CTNNA3: variants seen among roughly 807,000 people sequenced by gnomAD.
The protein encoded by CTNNA3 is catenin alpha-3.
A neutral mutation model predicts 95.7 loss-of-function variants in CTNNA3; 76 were observed. That is an observed-to-expected ratio of 0.79 (90% CI 0.66 to 0.96). The LOEUF is 0.96. Ranked by LOEUF, CTNNA3 falls within the 40% of genes least tolerant of loss-of-function variation. CTNNA3 has a pLI of 0.00. For synonymous variants in CTNNA3, 431 were observed against 374.4 expected, an observed-to-expected ratio of 1.15 and a Z score of -1.74; for missense variants, 1,191 against 1,089.8, an observed-to-expected ratio of 1.09 and a Z score of -1.31.
intron 16 of CTNNA3, among the ~76,000 whole-genome samples, chr10:65,975,150 T>C (rs1043132325): frequency 1.3e-5 from 2 of 152,102 alleles, no homozygotes; most frequent in Admixed American, 6.6e-5. Context: ...TCAACAAAGG[T>C]AGCAAAGAAT....
chr10:66,048,473 A>G (rs2079875994), intron 15 of CTNNA3, among the ~76,000 whole-genome samples: 1 of 152,062 alleles, frequency 6.6e-6, no homozygotes, highest in Non-Finnish European at 1.5e-5. Flanking sequence ...ACAAAAATCA[A>G]CTCAAGGCTC....
At chr10:66,524,070 T>C (rs1841162938) in intron 10 of CTNNA3, among the ~76,000 whole-genome samples, 3 of 145,340 alleles carry the variant, frequency 2.1e-5, no homozygotes, top group African/African-American at 7.6e-5. Context: ...TGACTGTTTT[T>C]AGAGCTGAAT....
intron 11 of CTNNA3, among the ~76,000 whole-genome samples, chr10:66,458,849 A>G (rs1402244386): frequency 2.0e-5 from 3 of 152,110 alleles, no homozygotes; most frequent in African/African-American, 7.2e-5. Flanking sequence ...GGGCGGTGAT[A>G]ATCTTTTGGA....
chr10:66,314,736 A>G (rs2092074324), intron 12 of CTNNA3, among the ~76,000 whole-genome samples: 1 of 152,140 alleles, frequency 6.6e-6, no homozygotes, highest in Admixed American at 6.5e-5. Flanking sequence ...AAAAACAATT[A>G]ATTTAGTGTT....
chr10:67,529,262 CTT>C (rs1430441182), intron 4 of CTNNA3, among the ~76,000 whole-genome samples: 9 of 151,906 alleles, frequency 5.9e-5, no homozygotes, highest in Admixed American at 5.9e-4. Context: ...TTAACAATAA[CTT>C]ATCACATATT....
chr10:66,930,884 TTC>T (rs1297306451), intron 7 of CTNNA3, among the ~76,000 whole-genome samples: 9 of 152,094 alleles, frequency 5.9e-5, no homozygotes, highest in African/African-American at 2.2e-4. Flanking sequence ...GGGAAAAAAG[TTC>T]TTTCTTTCTC....
chr10:67,753,484 G>A (rs1179763115), intron 1 of CTNNA3, among the ~76,000 whole-genome samples: 1 of 152,030 alleles, frequency 6.6e-6, no homozygotes, highest in African/African-American at 2.4e-5. Flanking sequence ...TTAAATGAAA[G>A]AGCTTCTGCA....
At chr10:65,951,796 G>A (rs1044972588) in intron 17 of CTNNA3, among the ~76,000 whole-genome samples, 17 of 152,294 alleles carry the variant, frequency 1.1e-4, no homozygotes, top group African/African-American at 4.1e-4. Flanking sequence ...TTGGGAGGCC[G>A]AGGTGAGCGG....
chr10:66,430,404 T>C (rs1483286998), intron 11 of CTNNA3, among the ~76,000 whole-genome samples: 1 of 152,160 alleles, frequency 6.6e-6, no homozygotes. Flanking sequence ...AAAAGCTACT[T>C]TAAAGTTCAT....
intron 9 of CTNNA3, among the ~76,000 whole-genome samples, chr10:66,696,653 G>A (rs1847775854): frequency 6.6e-6 from 1 of 152,042 alleles, no homozygotes; most frequent in Non-Finnish European, 1.5e-5. Context: ...TATTTCTGGG[G>A]CAGATGCAGT....
At chr10:66,949,363 C>A (rs1018268014) in intron 7 of CTNNA3, among the ~76,000 whole-genome samples, 3 of 152,038 alleles carry the variant, frequency 2.0e-5, no homozygotes, top group African/African-American at 7.2e-5. Flanking sequence ...TGGAGACCAG[C>A]CTGACCAACA....
chr10:67,053,290 A>C (rs1443081587), intron 7 of CTNNA3, among the ~76,000 whole-genome samples: 1 of 152,164 alleles, frequency 6.6e-6, no homozygotes, highest in East Asian at 1.9e-4. Context: ...ACACTATACA[A>C]ATACAAATAC....
At chr10:66,165,833 A>C (rs1352082460) in intron 13 of CTNNA3, among the ~76,000 whole-genome samples, 3 of 151,972 alleles carry the variant, frequency 2.0e-5, no homozygotes, top group African/African-American at 7.2e-5. Flanking sequence ...CAGTGGTGCA[A>C]TCTTGGCTCA....
At chr10:66,130,525 G>C (rs1317399890) in intron 13 of CTNNA3, among the ~76,000 whole-genome samples, 6 of 151,670 alleles carry the variant, frequency 4.0e-5, no homozygotes, top group Admixed American at 6.6e-5. Context: ...AACAGAAAGG[G>C]GAATATTACT....
chr10:66,315,315 T>C (rs1405022711), intron 12 of CTNNA3, among the ~76,000 whole-genome samples: 1 of 151,982 alleles, frequency 6.6e-6, no homozygotes, highest in African/African-American at 2.4e-5. Context: ...TGATATTAGG[T>C]CAAAATATGG....
chr10:67,543,238 T>G (rs545348060), intron 3 of CTNNA3, among the ~76,000 whole-genome samples: 1 of 152,128 alleles, frequency 6.6e-6, no homozygotes, highest in African/African-American at 2.4e-5. Context: ...CTAGAGTATA[T>G]AGTCTACAAA....
chr10:66,794,407 C>G (rs1350504836), intron 7 of CTNNA3, among the ~76,000 whole-genome samples: 1 of 152,128 alleles, frequency 6.6e-6, no homozygotes, highest in African/African-American at 2.4e-5. Context: ...AATACTTTAG[C>G]CTCTTAAGTA....
At chr10:66,913,884 T>A (rs1465880016) in intron 7 of CTNNA3, among the ~76,000 whole-genome samples, 1 of 152,156 alleles carries the variant, frequency 6.6e-6, no homozygotes, top group Non-Finnish European at 1.5e-5. Context: ...CAGTGAGACT[T>A]GGGACTGACA....
chr10:66,408,787 G>A (rs1389442056), intron 11 of CTNNA3, among the ~76,000 whole-genome samples: 1 of 152,136 alleles, frequency 6.6e-6, no homozygotes, highest in Admixed American at 6.6e-5. Flanking sequence ...TAAAAGAACA[G>A]TGTATAAAAC....
Sources: allele counts gnomAD v4.1 joint callset (sites outside exome capture counted in the v4.1 genomes callset), GRCh38; gene constraint gnomAD v4.1.1; transcripts MANE v1.5; gene names NCBI Gene and HGNC (gene_info 2026-07-23, HGNC 2026-07-21).